The following ROBO2 variants were observed in gnomAD, a reference collection of about 807,000 sequenced individuals.
The protein encoded by ROBO2 is roundabout guidance receptor 2.
A neutral mutation model predicts 160.8 loss-of-function variants in ROBO2; 53 were observed. That is an observed-to-expected ratio of 0.33 (90% CI 0.26 to 0.41). ROBO2 has a LOEUF of 0.41. ROBO2 is among the 10% of genes least tolerant of loss of function. The pLI is 1.00. For missense variants in ROBO2, 1,577 were observed against 1,722.4 expected (o/e 0.92, Z 1.49); for synonymous variants, 664 against 611.7 (o/e 1.09, Z -1.26).
intron 2 of ROBO2, among the ~76,000 whole-genome samples, chr3:76,986,677 A>G (rs1456619347): frequency 1.3e-5 from 2 of 152,158 alleles, no homozygotes; most frequent in Non-Finnish European, 2.9e-5. Flanking sequence ...CACTAGGAAA[A>G]TGGAAATGTA....
At chr3:77,119,209 G>A (rs1023835368) in intron 2 of ROBO2, among the ~76,000 whole-genome samples, 13 of 152,290 alleles carry the variant, frequency 8.5e-5, no homozygotes, top group Middle Eastern at 3.4e-3. Flanking sequence ...GCAGAACAGT[G>A]AGTCAATTAA....
chr3:76,756,672 A>G (rs978081575), intron 2 of ROBO2, among the ~76,000 whole-genome samples: 1 of 151,822 alleles, frequency 6.6e-6, no homozygotes, highest in African/African-American at 2.4e-5. Flanking sequence ...TATTTTTCTT[A>G]GTATGTTTTC....
At chr3:76,456,597 T>C (rs947558616) in intron 2 of ROBO2, among the ~76,000 whole-genome samples, 1 of 152,202 alleles carries the variant, frequency 6.6e-6, no homozygotes, top group Non-Finnish European at 1.5e-5. Flanking sequence ...AATCACATGA[T>C]GGAGTACTAT....
At chr3:76,939,979 ATTTTT>A (rs71104641) in intron 2 of ROBO2, among the ~76,000 whole-genome samples, 19,940 of 120,480 alleles carry the variant, frequency 0.17, 1,738 homozygotes, top group South Asian at 0.21. Context: ...AAGCAACAGG[ATTTTT>A]TTTTTTTTTT....
chr3:76,623,994 C>A (rs867027086), intron 2 of ROBO2, among the ~76,000 whole-genome samples: 1 of 151,964 alleles, frequency 6.6e-6, no homozygotes, highest in East Asian at 1.9e-4. Flanking sequence ...AGAACTTGTA[C>A]ACCCAGGACT....
intron 2 of ROBO2, among the ~76,000 whole-genome samples, chr3:76,820,819 G>C (rs1255992954): frequency 6.6e-6 from 1 of 151,918 alleles, no homozygotes; most frequent in African/African-American, 2.4e-5. Context: ...CAATAGTACT[G>C]TTGGAAATTA....
chr3:76,176,676 T>A (rs910676221), intron 2 of ROBO2, among the ~76,000 whole-genome samples: 1 of 152,118 alleles, frequency 6.6e-6, no homozygotes, highest in African/African-American at 2.4e-5. Context: ...AAATACTCCT[T>A]TTAATTATTT....
chr3:75,971,589 T>C (rs1343369376), intron 2 of ROBO2, among the ~76,000 whole-genome samples: 1 of 151,550 alleles, frequency 6.6e-6, no homozygotes, highest in Non-Finnish European at 1.5e-5. Context: ...TGGTAGCATA[T>C]AATTTTTTAA....
intron 2 of ROBO2, among the ~76,000 whole-genome samples, chr3:76,834,062 T>TTTTTCTTTC (rs1553651249): frequency 3.4e-5 from 3 of 88,012 alleles, no homozygotes; most frequent in African/African-American, 9.1e-5. Context: ...CCTTTCTTTC[T>TTTTTCTTTC]TTTCTTTCTT....
chr3:76,710,451 C>T (rs1024705402), intron 2 of ROBO2, among the ~76,000 whole-genome samples: 5 of 152,120 alleles, frequency 3.3e-5, no homozygotes, highest in Admixed American at 6.6e-5. Flanking sequence ...AAAGGCTAGG[C>T]TCAGCTAAGA....
At chr3:76,376,389 C>A (rs572752540) in intron 2 of ROBO2, among the ~76,000 whole-genome samples, 31 of 152,048 alleles carry the variant, frequency 2.0e-4, no homozygotes, top group Non-Finnish European at 4.0e-4. Flanking sequence ...GTCAAAGAAA[C>A]CATGGATTTT....
intron 2 of ROBO2, among the ~76,000 whole-genome samples, chr3:77,351,457 T>C (rs571112339): frequency 2.6e-5 from 4 of 152,248 alleles, no homozygotes; most frequent in South Asian, 4.1e-4. Flanking sequence ...GGTGAAGATA[T>C]TGATCATGAG....
chr3:76,653,479 T>G (rs2091345831), intron 2 of ROBO2, among the ~76,000 whole-genome samples: 1 of 151,716 alleles, frequency 6.6e-6, no homozygotes, highest in Non-Finnish European at 1.5e-5. Flanking sequence ...GTTTCTCAAA[T>G]TATTCGACAA....
At chr3:77,612,569 T>C (rs1284584214) in intron 21 of ROBO2, among the ~76,000 whole-genome samples, 1 of 152,184 alleles carries the variant, frequency 6.6e-6, no homozygotes, top group African/African-American at 2.4e-5. Context: ...CATTTTTCAG[T>C]TTCGCTATCC....
chr3:76,379,882 A>T (rs566155284), intron 2 of ROBO2, among the ~76,000 whole-genome samples: 1 of 152,174 alleles, frequency 6.6e-6, no homozygotes, highest in African/African-American at 2.4e-5. Context: ...AAGTTTAACT[A>T]TTCCTGATTT....
intron 2 of ROBO2, among the ~76,000 whole-genome samples, chr3:77,228,315 C>G (rs2086736547): frequency 6.6e-6 from 1 of 151,910 alleles, no homozygotes; most frequent in African/African-American, 2.4e-5. Context: ...TACAGGCAAA[C>G]ACAAACACAC....
At chr3:75,910,957 T>C (rs1463734344) in intron 1 of ROBO2, among the ~76,000 whole-genome samples, 1 of 151,828 alleles carries the variant, frequency 6.6e-6, no homozygotes, top group Non-Finnish European at 1.5e-5. Flanking sequence ...TTAAATATTA[T>C]AAAAGTTATA....
intron 2 of ROBO2, among the ~76,000 whole-genome samples, chr3:77,136,835 C>G (rs1361715893): frequency 6.6e-6 from 1 of 152,022 alleles, no homozygotes; most frequent in African/African-American, 2.4e-5. Flanking sequence ...TAGGGTTTCA[C>G]TGTGTTAGCC....
intron 2 of ROBO2, among the ~76,000 whole-genome samples, chr3:76,781,982 C>T (rs1576588347): frequency 6.6e-6 from 1 of 150,702 alleles, no homozygotes; most frequent in Non-Finnish European, 1.5e-5. Flanking sequence ...ATGAAGCCAT[C>T]GGATCATGGC....
Sources: allele counts gnomAD v4.1 joint callset (sites outside exome capture counted in the v4.1 genomes callset), GRCh38; gene constraint gnomAD v4.1.1; transcripts MANE v1.5; gene names NCBI Gene and HGNC (gene_info 2026-07-23, HGNC 2026-07-21).